The following RGL1 variants were observed in gnomAD, a reference collection of about 807,000 sequenced individuals.
RGL1 encodes ral guanine nucleotide dissociation stimulator-like 1.
RGL1 carries 24 observed loss-of-function variants against 95.2 expected under a neutral mutation model. That is an observed-to-expected ratio of 0.25 (90% CI 0.18 to 0.35). RGL1 has a LOEUF of 0.35. Among genes scored for constraint, RGL1 ranks in the 10% least tolerant of loss-of-function variants. RGL1 has a pLI of 1.00. For synonymous variants in RGL1, 329 were observed against 344.9 expected (o/e 0.95, Z 0.51); for missense variants, 715 against 936.3 (o/e 0.76, Z 3.08).
At chr1:183,898,806 A>C (rs981489391) in intron 10 of RGL1, among the ~76,000 whole-genome samples, 1 of 152,234 alleles carries the variant, frequency 6.6e-6, no homozygotes, top group East Asian at 1.9e-4. Flanking sequence ...TTCCTGAAGG[A>C]CAAAACCCTC....
At chr1:183,689,894 C>T (rs897808236) in intron 1 of RGL1, among the ~76,000 whole-genome samples, 4 of 152,150 alleles carry the variant, frequency 2.6e-5, no homozygotes, top group African/African-American at 7.2e-5. Context: ...ATGTGAGGTA[C>T]ATTGTATCTG....
intron 14 of RGL1, among the ~76,000 whole-genome samples, chr1:183,910,622 A>G (rs760656347): frequency 2.6e-5 from 4 of 151,974 alleles, no homozygotes; most frequent in African/African-American, 4.8e-5. Flanking sequence ...TGCTTTCTCC[A>G]TATCTTTTCA....
At chr1:183,648,018 T>C (rs1650430814) in intron 1 of RGL1, 27 of 1,614,232 alleles carry the variant, frequency 1.7e-5, no homozygotes, top group Non-Finnish European at 2.1e-5. Flanking sequence ...TAAAGCCTCC[T>C]GAGCTTTTGT....
chr1:183,674,519 G>A (rs1399556677), intron 1 of RGL1, among the ~76,000 whole-genome samples: 1 of 152,322 alleles, frequency 6.6e-6, no homozygotes, highest in East Asian at 1.9e-4. Context: ...GAGTTTGGTG[G>A]AAAGCATCCA....
intron 1 of RGL1, among the ~76,000 whole-genome samples, chr1:183,705,655 T>C (rs530710891): frequency 2.0e-5 from 3 of 152,272 alleles, no homozygotes; most frequent in Admixed American, 1.3e-4. Context: ...CAGCATCCTG[T>C]AGGTCTAGAA....
intron 1 of RGL1, among the ~76,000 whole-genome samples, chr1:183,690,683 C>G (rs1653889721): frequency 6.6e-6 from 1 of 151,086 alleles, no homozygotes; most frequent in Admixed American, 6.6e-5. Context: ...AATTCAAAGG[C>G]AGAAATAATT....
chr1:183,657,960 C>T (rs921890040), intron 1 of RGL1, among the ~76,000 whole-genome samples: 13 of 152,194 alleles, frequency 8.5e-5, no homozygotes, highest in Non-Finnish European at 1.5e-4. Flanking sequence ...CTGTTGTTTC[C>T]TGACTTTTTA....
At chr1:183,774,574 CTTTTTTTTTTT>C (rs61380355) in intron 2 of RGL1, among the ~76,000 whole-genome samples, 1 of 100,928 alleles carries the variant, frequency 9.9e-6, no homozygotes, top group Non-Finnish European at 2.0e-5. Context: ...TTCTTTTTTC[CTTTTTTTTTTT>C]TTTTTTTTTG....
chr1:183,816,015 T>G (rs931082924), intron 2 of RGL1, among the ~76,000 whole-genome samples: 1 of 152,186 alleles, frequency 6.6e-6, no homozygotes, highest in African/African-American at 2.4e-5. Context: ...CCCTCTCTCA[T>G]TTTGTACATT....
At chr1:183,880,024 T>C (rs1666732994) in intron 4 of RGL1, among the ~76,000 whole-genome samples, 1 of 152,250 alleles carries the variant, frequency 6.6e-6, no homozygotes, top group Non-Finnish European at 1.5e-5. Flanking sequence ...CTACCTACTG[T>C]TTCTGCTACT....
chr1:183,895,700 G>A (rs1047458545), intron 9 of RGL1, among the ~76,000 whole-genome samples: 1 of 152,216 alleles, frequency 6.6e-6, no homozygotes, highest in African/African-American at 2.4e-5. Flanking sequence ...CGACATTGCA[G>A]AGTAGGAGAT....
intron 14 of RGL1, among the ~76,000 whole-genome samples, chr1:183,911,115 C>T (rs1163828884): frequency 6.6e-6 from 1 of 152,146 alleles, no homozygotes; most frequent in East Asian, 1.9e-4. Context: ...GAAGGTATAT[C>T]CCTCCCGCAA....
intron 2 of RGL1, among the ~76,000 whole-genome samples, chr1:183,795,615 G>T (rs1161566080): frequency 6.6e-6 from 1 of 152,150 alleles, no homozygotes; most frequent in Non-Finnish European, 1.5e-5. Flanking sequence ...GGCAGGCAGG[G>T]GCTAACCTGG....
chr1:183,820,177 A>G (rs1451054708), intron 2 of RGL1, among the ~76,000 whole-genome samples: 2 of 152,114 alleles, frequency 1.3e-5, no homozygotes, highest in East Asian at 1.9e-4. Flanking sequence ...TTTACTTATT[A>G]TCTTCCAATT....
At position 183,713,621 on chromosome 1, in the gene RGL1, C is replaced by T. The variant is rs77703263; in HGVS notation, c.-32-28505C>T. On this transcript the variant is annotated intron_variant, in intron 1 of 18. Coordinates refer to the RGL1 transcript ENST00000304685. Reference sequence around the variant, plus strand: ...TTATAAAAGAGGTTCCACAGAGATCCCTCATCCCTTCTACCATGTGAGGTC... The same window carrying T: ...TTATAAAAGAGGTTCCACAGAGATCTCTCATCCCTTCTACCATGTGAGGTC... 2.9e-3 allele frequency among the ~76,000 whole-genome samples: 440 copies of T among 152,198 alleles called. 5 individuals carry two copies. Among genetic ancestry groups the T allele is most frequent in the African/African-American group, 0.01 (423 of 41,532 alleles).
At chr1:183,865,164 A>G (rs181907840) in intron 3 of RGL1, among the ~76,000 whole-genome samples, 1 of 152,346 alleles carries the variant, frequency 6.6e-6, no homozygotes, top group East Asian at 1.9e-4. Context: ...TTACATTCCA[A>G]ACCAAACAAA....
intron 2 of RGL1, among the ~76,000 whole-genome samples, chr1:183,842,712 C>T (rs558159972): frequency 1.3e-5 from 2 of 152,294 alleles, no homozygotes; most frequent in African/African-American, 4.8e-5. Flanking sequence ...AGCGTGCTAA[C>T]CCACAGGACA....
intron 3 of RGL1, among the ~76,000 whole-genome samples, chr1:183,854,717 G>A (rs1665030043): frequency 6.6e-6 from 1 of 152,046 alleles, no homozygotes; most frequent in African/African-American, 2.4e-5. Flanking sequence ...AAGAACATGG[G>A]CTTAGGAGTC....
At chr1:183,850,554 T>C (rs1311728014) in intron 3 of RGL1, among the ~76,000 whole-genome samples, 1 of 152,218 alleles carries the variant, frequency 6.6e-6, no homozygotes, top group African/African-American at 2.4e-5. Flanking sequence ...ACTCACAAAA[T>C]GTCTGTTCTT....
Sources: gnomAD v4.1 joint callset for allele counts (sites outside exome capture counted in the v4.1 genomes callset) on GRCh38, gnomAD v4.1.1 for gene constraint, MANE v1.5 for transcripts, NCBI Gene and HGNC (gene_info 2026-07-23, HGNC 2026-07-21) for gene names.